STON2: variants seen among roughly 807,000 people sequenced by gnomAD.
The protein encoded by STON2 is stonin-2.
Under a neutral mutation model 65.7 loss-of-function variants are expected in STON2, and 29 were observed. The observed-to-expected ratio is 0.44, with a 90% CI of 0.33 to 0.60. The LOEUF (loss-of-function observed/expected upper bound fraction) is 0.60, where lower values mean the gene tolerates loss of function less well. Ranked by LOEUF, STON2 falls within the 20% of genes least tolerant of loss-of-function variation. The pLI is 0.03. For missense variants in STON2, 1,054 were observed against 1,118.1 expected (o/e 0.94, Z 0.82); for synonymous variants, 404 against 414.2 (o/e 0.98, Z 0.30).
chr14:81,282,113 A>G (rs1464317864), intron 5 of STON2, among the ~76,000 whole-genome samples: 1 of 152,238 alleles, frequency 6.6e-6, no homozygotes, highest in Non-Finnish European at 1.5e-5. Context: ...ACAAGCATGC[A>G]ACGATGTACA....
At chr14:81,308,820 A>G (rs1294445511) in intron 5 of STON2, among the ~76,000 whole-genome samples, 18 of 9,028 alleles carry the variant, frequency 2.0e-3, no homozygotes, top group African/African-American at 8.7e-3. Flanking sequence ...ATATATATAT[A>G]TATATGTGTG....
chr14:81,306,442 A>C (rs1056116999), intron 5 of STON2, among the ~76,000 whole-genome samples: 2 of 151,562 alleles, frequency 1.3e-5, no homozygotes, highest in African/African-American at 2.4e-5. Flanking sequence ...GTGGCAATTC[A>C]CAGGTGTGAT....
chr14:81,315,250 G>A (rs760834405), intron 5 of STON2, among the ~76,000 whole-genome samples: 13 of 152,250 alleles, frequency 8.5e-5, no homozygotes, highest in South Asian at 2.1e-4. Context: ...GAGAGGCCTC[G>A]TTTAGAAGAC....
intron 4 of STON2, among the ~76,000 whole-genome samples, chr14:81,348,386 G>C (rs1897898283): frequency 6.6e-6 from 1 of 152,034 alleles, no homozygotes; most frequent in Admixed American, 6.6e-5. Context: ...GAAAAACTCT[G>C]AGAACTAATA....
At chr14:81,337,782 A>G (rs114156256) in intron 4 of STON2, among the ~76,000 whole-genome samples, 1,938 of 152,174 alleles carry the variant, frequency 0.013, 37 homozygotes, top group African/African-American at 0.044. Flanking sequence ...CACTGTATGT[A>G]TGGGGGTGTC....
intron 5 of STON2, among the ~76,000 whole-genome samples, chr14:81,287,393 T>C (rs1267382279): frequency 6.6e-6 from 1 of 152,196 alleles, no homozygotes; most frequent in Non-Finnish European, 1.5e-5. Flanking sequence ...TGGTCAGAGA[T>C]ATTCCCAAAG....
In STON2 at chr14:81,268,371, C is replaced by T; in HGVS notation, c.*43G>A. 2 of 1,288,330 alleles carry T rather than the reference C, an allele frequency of 1.6e-6. No homozygotes were observed. Among genetic ancestry groups the T allele is most frequent in the Non-Finnish European group, 2.0e-6 (2 of 988,326 alleles). The allele number at this position is 1,288,330 out of a possible 1,614,324, so 79.8% of individuals were successfully genotyped here. Reference sequence around the variant, plus strand: ...CCCTATCATGACTCAGGAAGACACCCTATCATGACTCTGGGATCAGGATTC... The same window carrying T: ...CCCTATCATGACTCAGGAAGACACCTTATCATGACTCTGGGATCAGGATTC... On this transcript the variant is annotated 3_prime_UTR_variant, in exon 8 of 8. Coordinates refer to ENST00000614646, the MANE Select transcript of STON2 (RefSeq NM_001394390.1).
chr14:81,385,523 T>A (rs747296892), intron 3 of STON2, among the ~76,000 whole-genome samples: 1 of 152,136 alleles, frequency 6.6e-6, no homozygotes, highest in Non-Finnish European at 1.5e-5. Context: ...CATAACCCTA[T>A]GAAAATAGCT....
intron 3 of STON2, among the ~76,000 whole-genome samples, chr14:81,388,564 G>A (rs888746737): frequency 4.6e-5 from 7 of 152,112 alleles, no homozygotes; most frequent in Admixed American, 3.3e-4. Flanking sequence ...AATAAGAGAC[G>A]TACCATTAAT....
At chr14:81,408,805 G>T (rs1168025220) in intron 2 of STON2, among the ~76,000 whole-genome samples, 1 of 152,172 alleles carries the variant, frequency 6.6e-6, no homozygotes, top group Non-Finnish European at 1.5e-5. Flanking sequence ...CTGAGGCAGT[G>T]ACCTTGACTG....
At chr14:81,421,456 G>C (rs1336429898) in intron 2 of STON2, among the ~76,000 whole-genome samples, 4 of 152,100 alleles carry the variant, frequency 2.6e-5, no homozygotes, top group African/African-American at 9.7e-5. Flanking sequence ...TTTAGAAAAA[G>C]GTTATTCTGG....
chr14:81,265,581 G>A lies in STON2; in HGVS notation c.*2833C>T. 2.9e-6 allele frequency: 1 copy of A among 350,332 alleles called. No individual in the cohort carries two copies. Among genetic ancestry groups the A allele is most frequent in the South Asian group, 1.1e-4 (1 of 8,704 alleles). 21.7% of individuals were successfully genotyped at this position (350,332 alleles called of 1,614,324 possible). ...GAGGCAGGAGATTTGGGAGGCAGAG[G>A]TTGCAATGAGCCGAGATCACGCCAT... On this transcript the variant is annotated 3_prime_UTR_variant, in exon 8 of 8. Coordinates refer to ENST00000614646, the MANE Select transcript of STON2 (RefSeq NM_001394390.1).
At chr14:81,346,782 A>G (rs1386683318) in intron 4 of STON2, among the ~76,000 whole-genome samples, 1 of 152,206 alleles carries the variant, frequency 6.6e-6, no homozygotes, top group East Asian at 1.9e-4. Flanking sequence ...AACATTGGAA[A>G]CAAAGCAAAT....
chr14:81,412,586 G>A (rs1901214783), intron 2 of STON2, among the ~76,000 whole-genome samples: 1 of 138,716 alleles, frequency 7.2e-6, no homozygotes, highest in African/African-American at 3.0e-5. Context: ...GGCCAGGGAG[G>A]CAGAGAAGTG....
intron 4 of STON2, among the ~76,000 whole-genome samples, chr14:81,367,995 A>G (rs1387363042): frequency 6.6e-6 from 1 of 152,192 alleles, no homozygotes; most frequent in African/African-American, 2.4e-5. Context: ...GTAAGCATTC[A>G]TATCTGTCAA....
chr14:81,340,206 C>T lies in STON2; in HGVS notation c.572-16019G>A, dbSNP rs190606059. ...AAAGAAGCCAGGCAAATTAAAGAAC[C>T]CACTCAATGAGTCCATGTATACAAA... On this transcript the variant is annotated intron_variant, in intron 4 of 7. Transcript: ENST00000614646. Among the ~76,000 whole-genome samples, 198 of 152,188 alleles carry T rather than the reference C, an allele frequency of 1.3e-3. 1 individual carries two copies. The highest frequency in any genetic ancestry group is 8.0e-3 in the Admixed American group (123 of 15,286).
chr14:81,414,432 T>C (rs571084220), intron 2 of STON2, among the ~76,000 whole-genome samples: 1 of 152,230 alleles, frequency 6.6e-6, no homozygotes, highest in East Asian at 1.9e-4. Flanking sequence ...ATCCAACCTT[T>C]AGAACCCTGT....
intron 3 of STON2, chr14:81,394,934 C>G (rs1900243291): frequency 6.6e-6 from 1 of 152,168 alleles, no homozygotes; most frequent in Admixed American, 6.5e-5. Context: ...TGACTTGTTA[C>G]AGCAGCAAAT....
chr14:81,268,491 T>G lies in STON2; in HGVS notation c.2791A>C (p.Ile931Leu). The change falls in exon 8 of 8, where the codon ATT (isoleucine) becomes CTT (leucine). Residue 931 changes from isoleucine to leucine, a missense_variant. Transcript: ENST00000614646. Reference protein sequence around the residue: ...YSAHYSYQVEIEQKKSLKPDF... With the variant: ...YSAHYSYQVELEQKKSLKPDF... ...GGCTTCAAACTCTTTTTTTGCTCAA[T>G]TTCCACCTGCCAAGAATAGAAGTTG... The G allele has an allele frequency of 7.8e-7, 1 of 1,289,578 alleles. No individual in the cohort carries two copies. Among genetic ancestry groups the G allele is most frequent in the Non-Finnish European group, 1.0e-6 (1 of 988,696 alleles). The allele number at this position is 1,289,578 out of a possible 1,614,324, so 79.9% of individuals were successfully genotyped here.
Sources: gnomAD v4.1 joint callset for allele counts (sites outside exome capture counted in the v4.1 genomes callset) on GRCh38, gnomAD v4.1.1 for gene constraint, MANE v1.5 for transcripts, NCBI Gene and HGNC (gene_info 2026-07-23, HGNC 2026-07-21) for gene names.